Variants in CALHM4 observed in about 807,000 individuals in gnomAD.
The protein encoded by CALHM4 is calcium homeostasis modulator protein 4.
A neutral mutation model predicts 13.3 loss-of-function variants in CALHM4; 16 were observed. The ratio of observed to expected loss-of-function variants is 1.20; its 90% confidence interval spans 0.81 to 1.82. CALHM4 has a LOEUF of 1.82. Among genes scored for constraint, CALHM4 ranks in the 40% most tolerant of loss-of-function variants. The pLI, the probability that CALHM4 is intolerant of heterozygous loss-of-function variation, is 0.00. For missense variants in CALHM4, 344 were observed against 374.9 expected (o/e 0.92, Z 0.68); for synonymous variants, 127 against 137.1 (o/e 0.93, Z 0.52).
chr6:116,530,214 C>T (rs965843368), intron 1 of CALHM4, among the ~76,000 whole-genome samples: 8 of 151,764 alleles, frequency 5.3e-5, no homozygotes, highest in Admixed American at 3.9e-4. Context: ...AAGGAACAAA[C>T]CACCCCCCCT....
chr6:116,545,372 A>C, intron 2 of CALHM4: 1 of 967,984 alleles, frequency 1.0e-6, no homozygotes, highest in African/African-American at 1.7e-5. Context: ...TCTTTCCTCC[A>C]CTAAAAATTC....
chr6:116,549,138 T>A (rs2115271450), upstream of CALHM4, among the ~76,000 whole-genome samples: 1 of 152,064 alleles, frequency 6.6e-6, no homozygotes, highest in South Asian at 2.1e-4. Context: ...TACAAAAAAA[T>A]TAGCCAGGTG....
At chr6:116,540,970 T>A (rs1773413865) in intron 1 of CALHM4, among the ~76,000 whole-genome samples, 1 of 152,096 alleles carries the variant, frequency 6.6e-6, no homozygotes, top group African/African-American at 2.4e-5. Context: ...TTGTTGCCAG[T>A]GAGAGTTTCG....
chr6:116,543,072 A>G (rs1773561318), intron 1 of CALHM4, among the ~76,000 whole-genome samples: 1 of 152,186 alleles, frequency 6.6e-6, no homozygotes, highest in Admixed American at 6.6e-5. Flanking sequence ...ATTTCTAACT[A>G]AAGAGAAAAC....
rs780793902 is a variant in CALHM4, at chr6:116,558,201, TA to T, written c.939del (p.Lys313AsnfsTer23). 4.3e-5 allele frequency: 69 copies of T among 1,610,636 alleles called. No homozygotes were observed. The highest frequency in any genetic ancestry group is 5.5e-5 in the Non-Finnish European group (65 of 1,178,824). ...GAAGACAGATCAAGAGGTATTGAATTAAAACCTTGATTACAGCACCTTTCAT... is the reference window on the plus strand; with the variant it reads ...GAAGACAGATCAAGAGGTATTGAATTAAACCTTGATTACAGCACCTTTCAT... ...NEEDRSRGIE[L>X]KP On this transcript the variant is annotated frameshift_variant, in exon 2 of 2. Coordinates refer to ENST00000368596, the MANE Select transcript of CALHM4 (RefSeq NM_001366078.2). LOFTEE classifies it high-confidence loss of function.
intron 1 of CALHM4, among the ~76,000 whole-genome samples, chr6:116,533,229 G>T (rs1285334641): frequency 2.0e-5 from 3 of 152,222 alleles, no homozygotes; most frequent in African/African-American, 7.2e-5. Flanking sequence ...ATAGTCATTG[G>T]AGGGATTGAG....
At chr6:116,552,251 T>C (rs1774112638), upstream of CALHM4, among the ~76,000 whole-genome samples, 1 of 152,204 alleles carries the variant, frequency 6.6e-6, no homozygotes, top group Non-Finnish European at 1.5e-5. Context: ...GTCATTGCCG[T>C]TCTTTTGTAG....
intron 1 of CALHM4, among the ~76,000 whole-genome samples, chr6:116,543,112 A>T (rs893720424): frequency 6.6e-6 from 1 of 152,178 alleles, no homozygotes; most frequent in Non-Finnish European, 1.5e-5. Flanking sequence ...TAGGAAAAAA[A>T]TCCTTCCTAT....
At chr6:116,546,704 G>A (rs1461954517) in intron 2 of CALHM4, among the ~76,000 whole-genome samples, 1 of 152,076 alleles carries the variant, frequency 6.6e-6, no homozygotes, top group Non-Finnish European at 1.5e-5. Context: ...AAAGAGACGA[G>A]GCGTACCGTA....
chr6:116,530,316 TC>T (rs1201991335), intron 1 of CALHM4, among the ~76,000 whole-genome samples: 7 of 152,312 alleles, frequency 4.6e-5, no homozygotes, highest in African/African-American at 1.7e-4. Context: ...TGGGCACTTT[TC>T]CTATTCACAT....
intron 1 of CALHM4, among the ~76,000 whole-genome samples, chr6:116,535,429 T>C (rs746545042): frequency 1.1e-4 from 16 of 152,260 alleles, no homozygotes; most frequent in Non-Finnish European, 1.2e-4. Flanking sequence ...AACATTATTA[T>C]AATTATTGTC....
At chr6:116,549,900 C>A (rs1391741844), upstream of CALHM4, among the ~76,000 whole-genome samples, 1 of 149,532 alleles carries the variant, frequency 6.7e-6, no homozygotes, top group East Asian at 2.0e-4. Flanking sequence ...CGCTTCAACC[C>A]GGCAGGCAGA....
intron 2 of CALHM4, among the ~76,000 whole-genome samples, chr6:116,545,114 TATACATAC>T (rs1364882814): frequency 5.3e-5 from 8 of 150,788 alleles, no homozygotes; most frequent in Non-Finnish European, 8.9e-5. Flanking sequence ...CACATATATA[TATACATAC>T]ATACATATAT....
chr6:116,534,467 A>C (rs1372319497), intron 1 of CALHM4, among the ~76,000 whole-genome samples: 1 of 151,838 alleles, frequency 6.6e-6, no homozygotes, highest in East Asian at 1.9e-4. Context: ...AGAAAAAAAA[A>C]TATGACTAGT....
At chr6:116,539,561 T>C (rs1253940317) in intron 1 of CALHM4, among the ~76,000 whole-genome samples, 2 of 152,206 alleles carry the variant, frequency 1.3e-5, no homozygotes, top group East Asian at 3.8e-4. Flanking sequence ...TTCAGAGGGT[T>C]ACTGTGACAG....
chr6:116,548,366 G>A (rs1300148929), intron 2 of CALHM4, among the ~76,000 whole-genome samples: 1 of 152,104 alleles, frequency 6.6e-6, no homozygotes, highest in Non-Finnish European at 1.5e-5. Context: ...AAGTATTATA[G>A]CATCACAAAA....
rs146524365 is a variant in CALHM4 at position 116,559,596 on chromosome 6, G to C, written c.*1385G>C. ...AGCTCTTTGCTGGGACAGGAGAACT[G>C]TCCTGCCCTCACCATTACTCATCTG... On this transcript the variant is annotated 3_prime_UTR_variant, in exon 2 of 2. Coordinates refer to ENST00000368596, the MANE Select transcript of CALHM4 (RefSeq NM_001366078.2). Among the ~76,000 whole-genome samples the C allele has an allele frequency of 9.2e-5, 14 of 152,266 alleles. No homozygotes were observed. Among genetic ancestry groups the C allele is most frequent in the Middle Eastern group, 3.4e-3 (1 of 294 alleles).
At chr6:116,543,312 A>G in intron 1 of CALHM4, 2 of 1,548,300 alleles carry the variant, frequency 1.3e-6, no homozygotes, top group Non-Finnish European at 1.7e-6. Flanking sequence ...CATTTTATCT[A>G]AATATTGGTT....
At position 116,560,573 on chromosome 6, in the gene CALHM4, GGTA is replaced by G; in HGVS notation, c.*2366_*2368del. Among the ~76,000 whole-genome samples, 1 of 145,726 alleles carries G rather than the reference GGTA, an allele frequency of 6.9e-6. No homozygotes were observed. Among genetic ancestry groups the G allele is most frequent in the Non-Finnish European group, 1.5e-5 (1 of 66,680 alleles). On this transcript the variant is annotated 3_prime_UTR_variant, in exon 2 of 2. Transcript: ENST00000368596. ...ATAGCATCTATGTGAACATTTAAAA[GGTA>G]GTACACACCCCTGGGATTTCATCTT...
Sources: allele counts gnomAD v4.1 joint callset (sites outside exome capture counted in the v4.1 genomes callset), GRCh38; gene constraint gnomAD v4.1.1; transcripts MANE v1.5; gene names NCBI Gene and HGNC (gene_info 2026-07-23, HGNC 2026-07-21).